TF: variants seen among roughly 807,000 people sequenced by gnomAD.
TF encodes serotransferrin.
Under a neutral mutation model 82.4 loss-of-function variants are expected in TF, and 55 were observed. The ratio of observed to expected loss-of-function variants is 0.67; its 90% CI spans 0.54 to 0.84. TF has a LOEUF of 0.84. TF is among the 40% of genes least tolerant of loss of function. TF has a pLI of 0.00. For missense variants in TF, 737 were observed against 868.4 expected, an observed-to-expected ratio of 0.85 and a Z score of 1.90; for synonymous variants, 332 against 332.6, an observed-to-expected ratio of 1.00 and a Z score of 0.02.
chr3:133,680,368 A>G, the TF span, among the ~76,000 whole-genome samples: 79,925 of 150,992 alleles, frequency 0.53, 21,964 homozygotes, highest in African/African-American at 0.69. Flanking sequence ...ACCACACCTA[A>G]CTAATTTTGT....
At chr3:133,771,913 G>A (rs1409970335) in intron 14 of TF, among the ~76,000 whole-genome samples, 1 of 152,026 alleles carries the variant, frequency 6.6e-6, no homozygotes, top group Non-Finnish European at 1.5e-5. Context: ...GAGCCCACTG[G>A]AATTCAAGCT....
chr3:133,690,634 A>AG, the TF span, among the ~76,000 whole-genome samples: 1 of 152,134 alleles, frequency 6.6e-6, no homozygotes, highest in East Asian at 1.9e-4. Context: ...AGAGAGAGGG[A>AG]GAGATATGTT....
chr3:133,706,135 G>C, the TF span, among the ~76,000 whole-genome samples: 2 of 152,142 alleles, frequency 1.3e-5, no homozygotes. Context: ...GAAACCCCAG[G>C]CCCTTCCTGG....
chr3:133,732,923 T>G, the TF span, among the ~76,000 whole-genome samples: 1 of 152,164 alleles, frequency 6.6e-6, no homozygotes, highest in Admixed American at 6.5e-5. Flanking sequence ...TGTATAGAAG[T>G]GAACGACCAA....
At chr3:133,729,629 G>A in the TF span, among the ~76,000 whole-genome samples, 1,834 of 152,242 alleles carry the variant, frequency 0.012, 40 homozygotes, top group African/African-American at 0.041. Context: ...GCAATGCCTC[G>A]CCCTGTTTCG....
chr3:133,697,746 T>G, the TF span, among the ~76,000 whole-genome samples: 1 of 152,244 alleles, frequency 6.6e-6, no homozygotes, highest in Non-Finnish European at 1.5e-5. Flanking sequence ...CTAAATCATT[T>G]TGAAATTTTT....
At chr3:133,768,931 T>C (rs1934195549) in intron 13 of TF, among the ~76,000 whole-genome samples, 1 of 151,966 alleles carries the variant, frequency 6.6e-6, no homozygotes, top group African/African-American at 2.4e-5. Flanking sequence ...TAGCTGGGAT[T>C]ACAGGCATGC....
the TF span, among the ~76,000 whole-genome samples, chr3:133,733,556 G>C: frequency 1.3e-5 from 2 of 152,152 alleles, no homozygotes; most frequent in Non-Finnish European, 2.9e-5. Flanking sequence ...AGTGGAACTG[G>C]GTGAGATTGA....
chr3:133,755,578 G>A, intron 5 of TF, 83 bp downstream of exon 5: 1 of 1,587,280 alleles, frequency 6.3e-7, no homozygotes, highest in Non-Finnish European at 8.6e-7. Context: ...CCAAAGCCGA[G>A]CCCTGCCTGC....
the TF span, among the ~76,000 whole-genome samples, chr3:133,686,178 A>C: frequency 1.3e-5 from 2 of 152,202 alleles, no homozygotes; most frequent in Non-Finnish European, 2.9e-5. Flanking sequence ...CCTTCCTTAC[A>C]CCTTATAAAA....
At chr3:133,717,264 T>G in the TF span, among the ~76,000 whole-genome samples, 1 of 152,134 alleles carries the variant, frequency 6.6e-6, no homozygotes, top group East Asian at 1.9e-4. Flanking sequence ...CTCTGGGTGC[T>G]CCCTCCTTGA....
the TF span, among the ~76,000 whole-genome samples, chr3:133,662,902 C>T: frequency 1.3e-5 from 2 of 152,094 alleles, no homozygotes; most frequent in African/African-American, 4.8e-5. Context: ...TTTTTAGAGC[C>T]TAAAGATAGT....
rs1030593837 is a variant in TF, at chr3:133,783,763, C to T, written c.*5143C>T. The T allele has an allele frequency of 1.3e-5, 2 of 152,272 alleles. No individual in the cohort carries two copies. Among genetic ancestry groups the T allele is most frequent in the East Asian group, 1.9e-4 (1 of 5,204 alleles). 9.4% of individuals were successfully genotyped at this position (152,272 alleles called of 1,614,324 possible). On this transcript the variant is annotated 3_prime_UTR_variant, in exon 17 of 17. Transcript: ENST00000402696. ...CCTCCAGGCCCTCCGCCCGGTAGAACCCGGAGCCCTGGCCGCGGCTGCCCC... is the reference window on the plus strand; with the variant it reads ...CCTCCAGGCCCTCCGCCCGGTAGAATCCGGAGCCCTGGCCGCGGCTGCCCC...
the TF span, chr3:133,704,322 G>A: frequency 1.8e-5 from 4 of 224,962 alleles, 1 homozygote; most frequent in South Asian, 3.1e-4. Context: ...ACAGTAAGTG[G>A]AGGGGAGTGT....
chr3:133,732,722 A>C, the TF span, among the ~76,000 whole-genome samples: 1 of 152,152 alleles, frequency 6.6e-6, no homozygotes. Context: ...AGAAGGAAGA[A>C]ACTCTTGACA....
At chr3:133,729,832 A>G in the TF span, among the ~76,000 whole-genome samples, 8 of 151,338 alleles carry the variant, frequency 5.3e-5, no homozygotes, top group Non-Finnish European at 1.0e-4. Context: ...CTTTTATATG[A>G]TATCTCTTTG....
chr3:133,695,394 C>T, the TF span, among the ~76,000 whole-genome samples: 1 of 151,984 alleles, frequency 6.6e-6, no homozygotes, highest in African/African-American at 2.4e-5. Context: ...ACTACAGGCA[C>T]ATGCCACTAC....
At chr3:133,698,815 C>T in the TF span, among the ~76,000 whole-genome samples, 1 of 152,230 alleles carries the variant, frequency 6.6e-6, no homozygotes, top group Admixed American at 6.5e-5. Context: ...AATACCTAGA[C>T]AATGGAATCA....
At chr3:133,692,153 C>T in the TF span, among the ~76,000 whole-genome samples, 1 of 152,256 alleles carries the variant, frequency 6.6e-6, no homozygotes, top group Non-Finnish European at 1.5e-5. Flanking sequence ...TCTCTGGAGA[C>T]ACACAGGACC....
Sources: allele counts gnomAD v4.1 joint callset (sites outside exome capture counted in the v4.1 genomes callset), GRCh38; gene constraint gnomAD v4.1.1; transcripts MANE v1.5; gene names NCBI Gene and HGNC (gene_info 2026-07-23, HGNC 2026-07-21).